Variants in PRKCE observed in about 807,000 individuals in gnomAD.
PRKCE encodes the protein protein kinase C epsilon type.
PRKCE carries 16 observed loss-of-function variants against 85.4 expected under a neutral mutation model. The ratio of observed to expected loss-of-function variants is 0.19; its 90% confidence interval spans 0.13 to 0.28. The LOEUF (loss-of-function observed/expected upper bound fraction) is 0.28. Among genes scored for constraint, PRKCE ranks in the 10% least tolerant of loss-of-function variants. The pLI, the probability that PRKCE is intolerant of heterozygous loss-of-function variation, is 1.00. For synonymous variants in PRKCE, 388 were observed against 371.5 expected (o/e 1.04, Z -0.51); for missense variants, 573 against 975.2 (o/e 0.59, Z 5.49).
intron 10 of PRKCE, among the ~76,000 whole-genome samples, chr2:46,022,951 C>T (rs1003254397): frequency 5.3e-5 from 8 of 151,824 alleles, no homozygotes; most frequent in East Asian, 1.9e-4. Flanking sequence ...GGCGCGGTGG[C>T]GGGCGCCTGT....
At chr2:45,839,463 A>C (rs1400608941) in intron 1 of PRKCE, among the ~76,000 whole-genome samples, 1 of 152,176 alleles carries the variant, frequency 6.6e-6, no homozygotes, top group Non-Finnish European at 1.5e-5. Context: ...AGGTCCAAGG[A>C]GGTTTGATAA....
intron 1 of PRKCE, among the ~76,000 whole-genome samples, chr2:45,723,615 T>C (rs1680805781): frequency 1.3e-5 from 2 of 152,170 alleles, no homozygotes; most frequent in African/African-American, 4.8e-5. Context: ...TGTTTTGTTT[T>C]GTTTTTTGAG....
intron 2 of PRKCE, among the ~76,000 whole-genome samples, chr2:45,894,837 C>G (rs779430300): frequency 1.3e-5 from 2 of 152,154 alleles, no homozygotes; most frequent in Non-Finnish European, 2.9e-5. Context: ...ATTCTCCTGC[C>G]CCAGCCTCCC....
chr2:45,980,181 C>CAGA (rs1702771057), intron 4 of PRKCE, 115 bp from the exon 5 acceptor site: 2 of 852,944 alleles, frequency 2.3e-6, no homozygotes, highest in African/African-American at 3.4e-5. Context: ...AATTAAGGCT[C>CAGA]AGTGGCAGAA....
chr2:45,847,158 C>G (rs1283869718), intron 2 of PRKCE, among the ~76,000 whole-genome samples: 1 of 152,214 alleles, frequency 6.6e-6, no homozygotes, highest in Non-Finnish European at 1.5e-5. Flanking sequence ...ATTCCTTATC[C>G]TCTCCCAAGT....
rs955761454 is a variant in PRKCE at position 45,652,821 on chromosome 2, C to A, written c.348+373C>A. 6.6e-6 allele frequency among the ~76,000 whole-genome samples: 1 copy of A among 152,118 alleles called. No homozygotes were observed. Among genetic ancestry groups the A allele is most frequent in the Admixed American group, 6.5e-5 (1 of 15,276 alleles). ...GTGATTGTGTGTGGGTGGGTCCCTC[C>A]GTCCTTGGAAAGGCACGTGGAGCCT... is the stretch of plus-strand genomic sequence containing the variant. On this transcript the variant is annotated intron_variant, in intron 1 of 14. Transcript: ENST00000306156. The surrounding 1 kb of genome is among the most constrained non-coding windows in gnomAD (Gnocchi z 7.7).
chr2:46,039,417 A>G (rs1468269288), intron 10 of PRKCE, among the ~76,000 whole-genome samples: 1 of 152,114 alleles, frequency 6.6e-6, no homozygotes, highest in Non-Finnish European at 1.5e-5. Context: ...TCAGATCTCC[A>G]TATGTATATT....
chr2:45,737,085 G>A (rs1573129506), intron 1 of PRKCE, among the ~76,000 whole-genome samples: 1 of 152,106 alleles, frequency 6.6e-6, no homozygotes, highest in Admixed American at 6.5e-5. Flanking sequence ...CCTGGCCACC[G>A]GCATCTCCCC....
chr2:45,722,298 T>C (rs1680689144), intron 1 of PRKCE, among the ~76,000 whole-genome samples: 1 of 152,236 alleles, frequency 6.6e-6, no homozygotes, highest in Admixed American at 6.5e-5. Flanking sequence ...CCTGGCTTCA[T>C]AGGAGTCAGC....
intron 1 of PRKCE, among the ~76,000 whole-genome samples, chr2:45,825,494 T>C (rs902778408): frequency 5.3e-5 from 8 of 151,734 alleles, no homozygotes; most frequent in Admixed American, 1.3e-4. Flanking sequence ...GTTTTCCTAC[T>C]TTTTTTTTCC....
chr2:45,869,237 A>G (rs1693880242), intron 2 of PRKCE, among the ~76,000 whole-genome samples: 1 of 152,250 alleles, frequency 6.6e-6, no homozygotes, highest in Admixed American at 6.5e-5. Context: ...AGATTCATGA[A>G]TAGCTTTAGA....
chr2:46,057,489 C>T (rs1574353191), intron 10 of PRKCE, among the ~76,000 whole-genome samples: 1 of 151,174 alleles, frequency 6.6e-6, no homozygotes, highest in East Asian at 1.9e-4. Context: ...GGCTGGAGTG[C>T]AGTGGCACAA....
At chr2:46,062,608 C>G (rs1667250200) in intron 10 of PRKCE, among the ~76,000 whole-genome samples, 1 of 151,836 alleles carries the variant, frequency 6.6e-6, no homozygotes, top group African/African-American at 2.4e-5. Context: ...TTGACCAACC[C>G]TCCCCCACTT....
intron 2 of PRKCE, among the ~76,000 whole-genome samples, chr2:45,955,364 G>T (rs1700900770): frequency 6.6e-6 from 1 of 152,142 alleles, no homozygotes; most frequent in African/African-American, 2.4e-5. Flanking sequence ...TGACCTGGTT[G>T]GTGTGATAAA....
chr2:46,141,796 C>G (rs1277831151), intron 11 of PRKCE, among the ~76,000 whole-genome samples: 2 of 152,056 alleles, frequency 1.3e-5, no homozygotes, highest in South Asian at 2.1e-4. Flanking sequence ...GCAGTTGTCC[C>G]TCTTTGCAAA....
chr2:46,078,829 G>C (rs561562867), intron 10 of PRKCE: 1 of 152,156 alleles, frequency 6.6e-6, no homozygotes, highest in African/African-American at 2.4e-5. Flanking sequence ...AGCTTTATCT[G>C]AAACAAATTC....
At chr2:45,732,511 T>C (rs1416440252) in intron 1 of PRKCE, among the ~76,000 whole-genome samples, 1 of 152,164 alleles carries the variant, frequency 6.6e-6, no homozygotes, top group Non-Finnish European at 1.5e-5. Context: ...TGAAAAAAGG[T>C]TTGAAGTCAG....
At position 45,666,387 on chromosome 2, in the gene PRKCE, T is replaced by C. The variant is rs571934272; in HGVS notation, c.348+13939T>C. Among the ~76,000 whole-genome samples, 4 of 151,966 alleles carry C rather than the reference T, an allele frequency of 2.6e-5. No individual in the cohort carries two copies. In the South Asian group the frequency reaches 8.3e-4, roughly 32 times the overall value. On this transcript the variant is annotated intron_variant, in intron 1 of 14. Coordinates refer to ENST00000306156, the MANE Select transcript of PRKCE (RefSeq NM_005400.3). ...AGCCCCAGTTGCCTACATAGTGAAG[T>C]CTGCTCATCCCTCCAGACATCCAGG...
At chr2:46,083,162 G>A (rs1266711410) in intron 10 of PRKCE, among the ~76,000 whole-genome samples, 1 of 152,170 alleles carries the variant, frequency 6.6e-6, no homozygotes, top group Non-Finnish European at 1.5e-5. Flanking sequence ...TGTTGGCCAG[G>A]TTGATCTCGA....
Sources: allele counts gnomAD v4.1 joint callset (sites outside exome capture counted in the v4.1 genomes callset), GRCh38; gene constraint gnomAD v4.1.1; non-coding constraint Gnocchi (gnomAD v3.1); transcripts MANE v1.5; gene names NCBI Gene and HGNC (gene_info 2026-07-23, HGNC 2026-07-21).